Variants in CSMD1 observed in about 807,000 individuals in gnomAD.
The protein encoded by CSMD1 is CUB and Sushi multiple domains 1.
A neutral mutation model predicts 417.5 loss-of-function variants in CSMD1; 213 were observed. That is an observed-to-expected ratio of 0.51 (90% CI 0.46 to 0.57). The LOEUF is 0.57. Among genes scored for constraint, CSMD1 ranks in the 20% least tolerant of loss-of-function variants. CSMD1 has a pLI of 0.00. For missense variants in CSMD1, 6,923 were observed against 4,529.7 expected, an observed-to-expected ratio of 1.53 and a Z score of -15.17; for synonymous variants, 2,862 against 1,736.8, an observed-to-expected ratio of 1.65 and a Z score of -16.11.
chr8:4,682,072 G>A (rs889899709), intron 1 of CSMD1, among the ~76,000 whole-genome samples: 6 of 152,178 alleles, frequency 3.9e-5, no homozygotes, highest in African/African-American at 1.4e-4. Context: ...AGGCTGAAGT[G>A]CTGTGGGGTG....
At chr8:3,558,032 A>G (rs1563151477) in intron 10 of CSMD1, among the ~76,000 whole-genome samples, 1 of 151,350 alleles carries the variant, frequency 6.6e-6, no homozygotes, top group Non-Finnish European at 1.5e-5. Flanking sequence ...ATGGTGCCTC[A>G]GAAGTAACCC....
At chr8:4,751,615 T>C (rs1367507451) in intron 1 of CSMD1, among the ~76,000 whole-genome samples, 2 of 152,162 alleles carry the variant, frequency 1.3e-5, no homozygotes, top group Non-Finnish European at 2.9e-5. Flanking sequence ...GATAAATAAA[T>C]AGCAGCCTCA....
intron 33 of CSMD1, among the ~76,000 whole-genome samples, chr8:3,197,588 C>T (rs1796771344): frequency 6.6e-6 from 1 of 151,900 alleles, no homozygotes; most frequent in African/African-American, 2.4e-5. Context: ...GCCTCAGCCT[C>T]CCGAGTAGCT....
At chr8:3,265,126 ATT>A (rs1801342326) in intron 26 of CSMD1, among the ~76,000 whole-genome samples, 1 of 152,180 alleles carries the variant, frequency 6.6e-6, no homozygotes, top group African/African-American at 2.4e-5. Flanking sequence ...GATTGTCACT[ATT>A]AGAGCAGAGA....
chr8:4,189,294 A>T (rs1487996294), intron 3 of CSMD1, among the ~76,000 whole-genome samples: 1 of 152,202 alleles, frequency 6.6e-6, no homozygotes, highest in African/African-American at 2.4e-5. Context: ...TACTCAAGAA[A>T]ACATGTTGAG....
At chr8:4,145,668 C>T (rs1375065469) in intron 3 of CSMD1, among the ~76,000 whole-genome samples, 3 of 150,970 alleles carry the variant, frequency 2.0e-5, no homozygotes, top group East Asian at 3.8e-4. Flanking sequence ...GGATTACAGC[C>T]TCACAACACC....
At chr8:4,212,738 C>A (rs1480664517) in intron 3 of CSMD1, among the ~76,000 whole-genome samples, 2 of 129,896 alleles carry the variant, frequency 1.5e-5, no homozygotes, top group African/African-American at 6.7e-5. Context: ...AAGTTTACAA[C>A]AGCGGCCTTA....
chr8:3,567,364 T>C (rs7012439), intron 10 of CSMD1, among the ~76,000 whole-genome samples: 66,618 of 151,726 alleles, frequency 0.44, 15,443 homozygotes, highest in Admixed American at 0.52. Context: ...CAAACCACCA[T>C]GGCACAAGTT....
chr8:3,600,101 T>G (rs1174803634), intron 8 of CSMD1, among the ~76,000 whole-genome samples: 1 of 152,082 alleles, frequency 6.6e-6, no homozygotes, highest in Non-Finnish European at 1.5e-5. Flanking sequence ...GTCTAGCAGG[T>G]AAAGAGAGCG....
intron 4 of CSMD1, among the ~76,000 whole-genome samples, chr8:4,010,069 T>C (rs12677415): frequency 0.2 from 29,691 of 152,172 alleles, 3,052 homozygotes; most frequent in South Asian, 0.31. Context: ...AAACAGAATT[T>C]CCTACATTCC....
chr8:3,471,701 C>A (rs1263934340), intron 11 of CSMD1, among the ~76,000 whole-genome samples: 1 of 133,348 alleles, frequency 7.5e-6, no homozygotes, highest in Non-Finnish European at 1.6e-5. Context: ...TTCTTCCTTT[C>A]TTCTTTCCTT....
Position 3,939,159 on chromosome 8 carries a change from T to A in CSMD1, c.818+58744A>T, listed in dbSNP as rs550402834. The stretch of plus-strand genomic sequence containing the variant: ...TTGCCCTGTGGAGAATAAACCAATC[T>A]AACATAGTTTCTGAGTGACAGACTG... On this transcript the variant is annotated intron_variant, in intron 5 of 69. Coordinates refer to ENST00000635120, the MANE Select transcript of CSMD1 (RefSeq NM_033225.6). 9.9e-5 allele frequency among the ~76,000 whole-genome samples: 15 copies of A among 152,234 alleles called. No homozygotes were observed. In the South Asian group the frequency reaches 3.1e-3, roughly 32 times the overall value.
chr8:4,176,117 G>C (rs76735665), intron 3 of CSMD1, among the ~76,000 whole-genome samples: 1 of 152,208 alleles, frequency 6.6e-6, no homozygotes, highest in African/African-American at 2.4e-5. Flanking sequence ...TAGACAGAAA[G>C]TCTCAAGGGC....
chr8:2,935,387 T>C lies in CSMD1; in HGVS notation c.*3198A>G, dbSNP rs1309538162. ...AAAATTAAATATTTAATTAGAACTC[T>C]GATTTGCTTTAAAGATTGGTGGCAT... is the stretch of plus-strand genomic sequence containing the variant. On this transcript the variant is annotated 3_prime_UTR_variant, in exon 70 of 70. Transcript: ENST00000635120. 1.3e-5 allele frequency: 2 copies of C among 152,214 alleles called. No individual in the cohort carries two copies. The highest frequency in any genetic ancestry group is 2.9e-5 in the Non-Finnish European group (2 of 68,040). 9.4% of individuals were successfully genotyped at this position (152,214 alleles called of 1,614,324 possible). A position where few individuals can be genotyped will look rare whatever the true frequency, so the allele number is the denominator to read the frequency against.
At chr8:3,765,215 C>T (rs1030410116) in intron 5 of CSMD1, among the ~76,000 whole-genome samples, 1 of 152,182 alleles carries the variant, frequency 6.6e-6, no homozygotes, top group Non-Finnish European at 1.5e-5. Context: ...GTGGCGATCA[C>T]TCCCTCGACT....
At chr8:3,910,387 C>A (rs905430041) in intron 5 of CSMD1, among the ~76,000 whole-genome samples, 3 of 152,146 alleles carry the variant, frequency 2.0e-5, no homozygotes, top group African/African-American at 7.2e-5. Flanking sequence ...GGAAGAGACT[C>A]TGAAGATGCT....
intron 50 of CSMD1, among the ~76,000 whole-genome samples, chr8:3,050,530 G>C (rs1425969809): frequency 6.6e-6 from 1 of 152,114 alleles, no homozygotes; most frequent in Non-Finnish European, 1.5e-5. Context: ...CATCTGTTAA[G>C]TTCCTATTTT....
chr8:4,889,031 T>C (rs1287374177), intron 1 of CSMD1, among the ~76,000 whole-genome samples: 4 of 152,116 alleles, frequency 2.6e-5, no homozygotes, highest in Non-Finnish European at 5.9e-5. Flanking sequence ...CACGATGGCA[T>C]TTATTGTTTC....
chr8:4,407,259 A>G (rs1338184654), intron 3 of CSMD1, among the ~76,000 whole-genome samples: 1 of 152,240 alleles, frequency 6.6e-6, no homozygotes, highest in East Asian at 1.9e-4. Context: ...TGTTTAAAAA[A>G]TGACCTTAAC....
Sources: gnomAD v4.1 joint callset for allele counts (sites outside exome capture counted in the v4.1 genomes callset) on GRCh38, gnomAD v4.1.1 for gene constraint, MANE v1.5 for transcripts, NCBI Gene and HGNC (gene_info 2026-07-23, HGNC 2026-07-21) for gene names.